Variants in COL16A1 observed in about 807,000 individuals in gnomAD.
COL16A1 encodes the protein collagen type XVI alpha 1 chain, also known as collagen alpha-1(XVI) chain.
COL16A1 carries 189 observed loss-of-function variants against 266.3 expected under a neutral mutation model. That is an observed-to-expected ratio of 0.71 (90% CI 0.63 to 0.80). The LOEUF (loss-of-function observed/expected upper bound fraction) is 0.80, where lower values mean the gene tolerates loss of function less well. Ranked by LOEUF, COL16A1 falls within the 30% of genes least tolerant of loss-of-function variation. The pLI is 0.00. For missense variants in COL16A1, 1,928 were observed against 2,122.4 expected (o/e 0.91, Z 1.80); for synonymous variants, 740 against 782.3 (o/e 0.95, Z 0.90).
rs553267900 is a variant in COL16A1, at chr1:31,685,934, G to A, written c.1884+157C>T. 1.1e-3 allele frequency among the ~76,000 whole-genome samples: 172 copies of A among 152,340 alleles called. No homozygotes were observed. Among genetic ancestry groups the A allele is most frequent in the Admixed American group, 3.1e-3 (48 of 15,312 alleles). ...AAGGGAGAACAGGAAAGAAACAAAG[G>A]TGGAGCTGAGTCATCAGGGGTCTCC... On this transcript the variant is annotated intron_variant, in intron 28 of 70. Transcript: ENST00000373672. The surrounding 1 kb of genome is among the most constrained non-coding windows in gnomAD (Gnocchi z 4.0).
At position 31,679,860 on chromosome 1, in the gene COL16A1, G is replaced by C. The variant is rs1422934052; in HGVS notation, c.2671-9C>G. The C allele has an allele frequency of 1.3e-6, 2 of 1,512,630 alleles. No homozygotes were observed. Among genetic ancestry groups the C allele is most frequent in the Non-Finnish European group, 1.8e-6 (2 of 1,131,278 alleles). 93.7% of individuals were successfully genotyped at this position (1,512,630 alleles called of 1,614,324 possible). A position where few individuals can be genotyped will look rare whatever the true frequency, so the allele number is the denominator to read the frequency against. On this transcript the variant is annotated splice_polypyrimidine_tract_variant and intron_variant, in intron 40 of 70. Transcript: ENST00000373672. ...CAAAGTCCCGGAGCACCCTGGGTGG[G>C]AGTGGGGGTCGCAAAAGAAGGGGAG...
Position 31,667,586 on chromosome 1 carries a change from T to G in COL16A1, c.3346A>C (p.Lys1116Gln). Reference protein sequence around the residue: ...ERGYTGSAGEKGEPGPPGSEG... With the variant: ...ERGYTGSAGEQGEPGPPGSEG... Reference sequence around the variant, plus strand: ...CCGCTGGGACTCACCGGCTCTCCTTTCTCTCCCGCTGACCCGGTGTAGCCA... The same window carrying G: ...CCGCTGGGACTCACCGGCTCTCCTTGCTCTCCCGCTGACCCGGTGTAGCCA... Residue 1116 changes from lysine (K) to glutamine (Q), a missense_variant, in exon 52 of 71, where the codon AAA becomes CAA. This residue lies in a region of COL16A1 where 1,552 missense variants were observed against 1,637.2 expected (regional missense o/e 0.95). Coordinates refer to ENST00000373672, the MANE Select transcript of COL16A1 (RefSeq NM_001856.4). 1 of 1,600,668 alleles carries G rather than the reference T, an allele frequency of 6.2e-7. No homozygotes were observed. The highest frequency in any genetic ancestry group is 8.5e-7 in the Non-Finnish European group (1 of 1,174,416).
intron 37 of COL16A1, among the ~76,000 whole-genome samples, chr1:31,681,991 A>G (rs1643678304): frequency 6.8e-6 from 1 of 147,118 alleles, no homozygotes; most frequent in African/African-American, 2.5e-5. Flanking sequence ...AGGGATCCGC[A>G]AAGACAGAAG....
At chr1:31,699,787 C>G (rs374468721) in intron 4 of COL16A1, 26 bp downstream of exon 4, 84 of 1,410,368 alleles carry the variant, frequency 6.0e-5, no homozygotes, top group Non-Finnish European at 8.1e-5. Context: ...AGTGTTGATT[C>G]TCAGTGGTCA....
Position 31,652,579 on chromosome 1 carries a change from T to A in COL16A1, c.*72A>T. 1 of 1,376,102 alleles carries A rather than the reference T, an allele frequency of 7.3e-7. No homozygotes were observed. Among genetic ancestry groups the A allele is most frequent in the Non-Finnish European group, 9.5e-7 (1 of 1,048,652 alleles). 85.2% of individuals were successfully genotyped at this position (1,376,102 alleles called of 1,614,324 possible). A position where few individuals can be genotyped will look rare whatever the true frequency, so the allele number is the denominator to read the frequency against. On this transcript the variant is annotated 3_prime_UTR_variant, in exon 71 of 71. Coordinates refer to ENST00000373672, the MANE Select transcript of COL16A1 (RefSeq NM_001856.4). The surrounding 1 kb of genome is among the most constrained non-coding windows in gnomAD (Gnocchi z 4.8). Reference sequence around the variant, plus strand: ...AACAACAAAAAAAACATTCACAACCTGTCACAGAGTCCTATAAGCTTTGGC... The same window carrying A: ...AACAACAAAAAAAACATTCACAACCAGTCACAGAGTCCTATAAGCTTTGGC...
chr1:31,661,767 C>T (rs1641693410), intron 58 of COL16A1, 63 bp from the exon 59 acceptor site: 9 of 1,526,170 alleles, frequency 5.9e-6, no homozygotes, highest in Admixed American at 4.3e-5. Flanking sequence ...CAACTCATAC[C>T]TCTGTCCTCC....
rs1179626958 is a variant in COL16A1, at chr1:31,656,875, A to C, written c.4056+158T>G. The C allele has an allele frequency of 3.1e-6, 3 of 979,082 alleles. No individual in the cohort carries two copies. The highest frequency in any genetic ancestry group is 4.9e-5 in the East Asian group (2 of 40,624). 60.6% of individuals were successfully genotyped at this position (979,082 alleles called of 1,614,324 possible). On this transcript the variant is annotated intron_variant, in intron 65 of 70. Transcript: ENST00000373672. The surrounding 1 kb of genome is among the most constrained non-coding windows in gnomAD (Gnocchi z 4.2). ...AATCTCACTCCCATCCTTGGCCTCA[A>C]GTCTCTAATTCCTCTCCCCAGGACA...
In COL16A1 at chr1:31,667,041, A is replaced by G. The variant is rs564257731; in HGVS notation, c.3357+534T>C. ...GTTTGCTGAATCCCACTGGGGCCTC[A>G]CTGAAACTGGTGAATCTGTAAGGCT... On this transcript the variant is annotated intron_variant, in intron 52 of 70. Coordinates refer to ENST00000373672, the MANE Select transcript of COL16A1 (RefSeq NM_001856.4). 2.6e-5 allele frequency among the ~76,000 whole-genome samples: 4 copies of G among 152,324 alleles called. No individual in the cohort carries two copies. The East Asian group carries it at 5.8e-4, about 22-fold the overall frequency.
At chr1:31,653,461 C>T in intron 70 of COL16A1, 138 bp downstream of exon 70, 1 of 1,052,026 alleles carries the variant, frequency 9.5e-7, no homozygotes, top group Non-Finnish European at 1.3e-6. Flanking sequence ...GTGTCTTGCA[C>T]ACAGTGGCAT....
At position 31,670,414 on chromosome 1, in the gene COL16A1, A is replaced by G. The variant is rs1642552087; in HGVS notation, c.3195+188T>C. ...GGAGGGAGAGGAGAAAACGGAAAGGAGTCAGAGACTGGGAGGATGTCCAAG... is the reference window on the plus strand; with the variant it reads ...GGAGGGAGAGGAGAAAACGGAAAGGGGTCAGAGACTGGGAGGATGTCCAAG... On this transcript the variant is annotated intron_variant, in intron 49 of 70. Coordinates refer to ENST00000373672, the MANE Select transcript of COL16A1 (RefSeq NM_001856.4). The surrounding 1 kb of genome is among the most constrained non-coding windows in gnomAD (Gnocchi z 4.5). The G allele has an allele frequency of 1.8e-6, 1 of 571,394 alleles. No homozygotes were observed. Among genetic ancestry groups the G allele is most frequent in the Non-Finnish European group, 2.8e-6 (1 of 357,958 alleles). 35.4% of individuals were successfully genotyped at this position (571,394 alleles called of 1,614,324 possible). A position where few individuals can be genotyped will look rare whatever the true frequency, so the allele number is the denominator to read the frequency against.
chr1:31,697,821 G>A lies in COL16A1; in HGVS notation c.657+85C>T. 2 of 1,452,076 alleles carry A rather than the reference G, an allele frequency of 1.4e-6. No homozygotes were observed. The highest frequency in any genetic ancestry group is 1.9e-6 in the Non-Finnish European group (2 of 1,080,814). 89.9% of individuals were successfully genotyped at this position (1,452,076 alleles called of 1,614,324 possible). ...CAGGGGAAGATTCTAAGCAGGAGAA[G>A]GACTTGTTCCGATACGGATTCCAGG... On this transcript the variant is annotated intron_variant, in intron 6 of 70. Coordinates refer to ENST00000373672, the MANE Select transcript of COL16A1 (RefSeq NM_001856.4). This position sits in a 1 kb window ranked among gnomAD's most constrained non-coding sequence, Gnocchi z 4.2.
In COL16A1 at chr1:31,657,246, C is replaced by A; in HGVS notation, c.4021-178G>T. 2 of 685,782 alleles carry A rather than the reference C, an allele frequency of 2.9e-6. No homozygotes were observed. Among genetic ancestry groups the A allele is most frequent in the Non-Finnish European group, 5.0e-6 (2 of 398,750 alleles). 42.5% of individuals were successfully genotyped at this position (685,782 alleles called of 1,614,324 possible). ...TGGAAACTTAGACCCCCACCCCATA[C>A]TCCAGCGTGATCCCAGAGCCCCAAC... On this transcript the variant is annotated intron_variant, in intron 64 of 70. Coordinates refer to ENST00000373672, the MANE Select transcript of COL16A1 (RefSeq NM_001856.4). This position sits in a 1 kb window ranked among gnomAD's most constrained non-coding sequence, Gnocchi z 6.4.
At chr1:31,700,235 G>A in intron 2 of COL16A1, 120 bp from the exon 3 acceptor site, 1 of 903,278 alleles carries the variant, frequency 1.1e-6, no homozygotes, top group South Asian at 1.5e-5. Flanking sequence ...CCATCAGCTA[G>A]ATCCTGCCTT....
intron 63 of COL16A1, 51 bp from the exon 64 acceptor site, chr1:31,658,628 G>T: frequency 1.4e-6 from 2 of 1,478,436 alleles, no homozygotes; most frequent in Middle Eastern, 3.5e-4. Context: ...AGGCAAAGTG[G>T]ACTCCCATAT....
At chr1:31,655,708 G>C in intron 66 of COL16A1, 2 of 840,846 alleles carry the variant, frequency 2.4e-6, no homozygotes, top group South Asian at 1.9e-5. Context: ...TAGAAATTCT[G>C]ATGGCTCCCA....
At position 31,699,856 on chromosome 1, in the gene COL16A1, G is replaced by A; in HGVS notation, c.223C>T (p.Leu75Phe). 1.2e-6 allele frequency: 2 copies of A among 1,614,076 alleles called. No homozygotes were observed. Among genetic ancestry groups the A allele is most frequent in the Non-Finnish European group, 1.7e-6 (2 of 1,179,926 alleles). Residue 75 changes from leucine to phenylalanine, a missense_variant, in exon 4 of 71, where the codon CTC becomes TTC. By Grantham distance (22) the Leu-to-Phe change is conservative. Transcript: ENST00000373672. ...GGGGCCGCCCCCAGGCGCAGGATGA[G>A]AGGCCCCTTGGGGTTGCGGATCTTC... ...IKKIRNPKGP[L>F]ILRLGAAPVT...
chr1:31,689,800 C>T lies in COL16A1; in HGVS notation c.1561G>A (p.Val521Ile), dbSNP rs372917061. The T allele has an allele frequency of 1.6e-5, 26 of 1,614,124 alleles. No homozygotes were observed. In the East Asian group the frequency reaches 2.2e-4, roughly 14 times the overall value. ...GGCCCTGGCTTTCCAGGAAGTCCAA[C>T]AAAGTTCTGGAACCCTTCAGGCAGT... ...PTLPEGFQNF[V>I]GLPGKPGPKG... Residue 521 changes from valine (V) to isoleucine (I), a missense_variant, in exon 23 of 71, where the codon GTT becomes ATT. By Grantham distance (29) the Val-to-Ile change is conservative. Around this residue, in one of 2 missense-constraint regions of COL16A1, gnomAD observed 1,552 missense variants for 1,637.2 expected, o/e 0.95. Transcript: ENST00000373672.
At chr1:31,677,079 T>A (rs1643250991) in intron 42 of COL16A1, among the ~76,000 whole-genome samples, 1 of 126,004 alleles carries the variant, frequency 7.9e-6, no homozygotes, top group Non-Finnish European at 1.8e-5. Flanking sequence ...ATTATTATTT[T>A]TTATTTATTA....
chr1:31,688,977 G>T lies in COL16A1; in HGVS notation c.1657-6C>A, dbSNP rs200949747. The T allele has an allele frequency of 2.4e-4, 392 of 1,614,142 alleles. 1 individual carries two copies. In the African/African-American group the frequency reaches 3.4e-3, roughly 14 times the overall value. On this transcript the variant is annotated splice_polypyrimidine_tract_variant and splice_region_variant and intron_variant, in intron 24 of 70. Transcript: ENST00000373672. The surrounding 1 kb of genome is among the most constrained non-coding windows in gnomAD (Gnocchi z 4.9). ...CAGGACAAGCAGGGCTCCCCCTGGG[G>T]AAAGAAGAGGAAGGATCAGAAATGC...
Sources: allele counts gnomAD v4.1 joint callset (sites outside exome capture counted in the v4.1 genomes callset), GRCh38; gene constraint gnomAD v4.1.1; regional missense constraint gnomAD v4.1.1; non-coding constraint Gnocchi (gnomAD v3.1); transcripts MANE v1.5; gene names NCBI Gene and HGNC (gene_info 2026-07-23, HGNC 2026-07-21).